Variants in MED12L observed in about 807,000 individuals in gnomAD.
The protein encoded by MED12L is mediator of RNA polymerase II transcription subunit 12-like protein.
A neutral mutation model predicts 281.3 loss-of-function variants in MED12L; 60 were observed. That is an observed-to-expected ratio of 0.21 (90% CI 0.17 to 0.26). The LOEUF (loss-of-function observed/expected upper bound fraction) is 0.26. Ranked by LOEUF, MED12L falls within the 10% of genes least tolerant of loss-of-function variation. The pLI, the probability that MED12L is intolerant of heterozygous loss-of-function variation, is 1.00. For missense variants in MED12L, 2,146 were observed against 2,680.9 expected, an observed-to-expected ratio of 0.80 and a Z score of 4.41; for synonymous variants, 974 against 987.2, an observed-to-expected ratio of 0.99 and a Z score of 0.25.
intron 11 of MED12L, among the ~76,000 whole-genome samples, chr3:151,178,409 T>C (rs1032704348): frequency 1.2e-4 from 15 of 122,516 alleles, no homozygotes; most frequent in Non-Finnish European, 2.0e-4. Flanking sequence ...ATATTCCAGC[T>C]CAAAAGGGAG....
intron 20 of MED12L, among the ~76,000 whole-genome samples, chr3:151,359,810 G>A (rs1754385240): frequency 6.6e-6 from 1 of 152,140 alleles, no homozygotes; most frequent in Non-Finnish European, 1.5e-5. Context: ...TAGGTGAATG[G>A]ACCACAAGTG....
chr3:151,344,467 A>G (rs1035566785), intron 16 of MED12L, among the ~76,000 whole-genome samples: 3 of 152,194 alleles, frequency 2.0e-5, no homozygotes, highest in African/African-American at 4.8e-5. Context: ...TACAGCTGAA[A>G]GAAATAGTGT....
At chr3:151,206,772 G>C (rs1726437004) in intron 16 of MED12L, among the ~76,000 whole-genome samples, 2 of 144,572 alleles carry the variant, frequency 1.4e-5, no homozygotes, top group Non-Finnish European at 3.0e-5. Context: ...AGCCTCCCGA[G>C]TAGCTGGGAC....
chr3:151,202,855 A>G (rs1435819429), intron 16 of MED12L, among the ~76,000 whole-genome samples: 1 of 152,194 alleles, frequency 6.6e-6, no homozygotes, highest in African/African-American at 2.4e-5. Flanking sequence ...GTTACTGAAT[A>G]GTTATGCTCG....
chr3:151,121,207 G>C (rs1220065604), intron 3 of MED12L, among the ~76,000 whole-genome samples: 1 of 152,144 alleles, frequency 6.6e-6, no homozygotes. Context: ...TTTCCAAACA[G>C]CTGGTTTTCC....
chr3:151,429,358 G>A (rs1266623964), intron 43 of MED12L, among the ~76,000 whole-genome samples: 22 of 152,310 alleles, frequency 1.4e-4, no homozygotes, highest in African/African-American at 2.4e-5. Context: ...GTGAGCACAC[G>A]GAGAGTGGGC....
chr3:151,359,630 C>G (rs890451531), intron 20 of MED12L, among the ~76,000 whole-genome samples: 2 of 152,128 alleles, frequency 1.3e-5, no homozygotes, highest in Admixed American at 6.6e-5. Context: ...AGCAAGTCAC[C>G]CCACCTTTCT....
In MED12L at chr3:151,182,903, T is replaced by A. The variant is rs747523332; in HGVS notation, c.1495-2427T>A. ...TGCCTCTCATTACAGTTGGGATAAC[T>A]ACTTCCAGGTTTCTGTAAGGGTAAA... On this transcript the variant is annotated intron_variant, in intron 11 of 44. Coordinates refer to ENST00000687756, the MANE Select transcript of MED12L (RefSeq NM_001393769.1). 2.6e-5 allele frequency among the ~76,000 whole-genome samples: 4 copies of A among 152,152 alleles called. 1 individual carries two copies. Among genetic ancestry groups the A allele is most frequent in the Admixed American group, 2.6e-4 (4 of 15,262 alleles).
At chr3:151,132,501 G>T (rs1426447902) in intron 5 of MED12L, among the ~76,000 whole-genome samples, 2 of 152,068 alleles carry the variant, frequency 1.3e-5, no homozygotes, top group Admixed American at 1.3e-4. Context: ...ACATACCTTT[G>T]CTTGGAATAG....
At chr3:151,248,809 G>A (rs977387826) in intron 16 of MED12L, 1 of 151,894 alleles carries the variant, frequency 6.6e-6, no homozygotes, top group Non-Finnish European at 1.5e-5. Flanking sequence ...ATTTTACATT[G>A]TAATCACAAA....
chr3:151,183,409 T>C (rs1722929041), intron 11 of MED12L, among the ~76,000 whole-genome samples: 2 of 152,350 alleles, frequency 1.3e-5, no homozygotes, highest in African/African-American at 4.8e-5. Context: ...ATGCACATTA[T>C]GGGTGCCCAG....
intron 16 of MED12L, chr3:151,326,383 A>G (rs947826478): frequency 3.9e-5 from 6 of 152,640 alleles, no homozygotes; most frequent in South Asian, 2.1e-4. Context: ...ATCAGTTACT[A>G]AAAGAGTAGA....
intron 4 of MED12L, 71 bp downstream of exon 4, chr3:151,123,045 AT>A: frequency 7.7e-7 from 1 of 1,300,514 alleles, no homozygotes; most frequent in Non-Finnish European, 1.0e-6. Flanking sequence ...ATTCAAGTAT[AT>A]ATTTGTTTTT....
chr3:151,393,819 A>G (rs1227273686), intron 38 of MED12L, among the ~76,000 whole-genome samples: 1 of 152,218 alleles, frequency 6.6e-6, no homozygotes, highest in Non-Finnish European at 1.5e-5. Context: ...CCAAAAAAAC[A>G]GCTTTAAAAT....
intron 9 of MED12L, among the ~76,000 whole-genome samples, chr3:151,164,303 GT>G (rs1218919036): frequency 6.6e-6 from 1 of 152,126 alleles, no homozygotes; most frequent in African/African-American, 2.4e-5. Flanking sequence ...TATGGTGGTG[GT>G]TCTAATACAT....
At chr3:151,337,688 ATCT>A (rs1751193025) in intron 16 of MED12L, 8 of 937,188 alleles carry the variant, frequency 8.5e-6, no homozygotes, top group South Asian at 8.3e-5. Flanking sequence ...TGCTTTTGTA[ATCT>A]TCTGTTTCTT....
Position 151,394,876 on chromosome 3 carries a change from A to T in MED12L, c.5820+9A>T, listed in dbSNP as rs775083941. On this transcript the variant is annotated intron_variant, in intron 39 of 44. Coordinates refer to ENST00000687756, the MANE Select transcript of MED12L (RefSeq NM_001393769.1). ...CTCGGCCTTTCCAACAGGTTTGTCC[A>T]GACCCCAGCAATGGAGTCCTTTGCA... 6.2e-6 allele frequency: 10 copies of T among 1,613,632 alleles called. No homozygotes were observed. In the East Asian group the frequency reaches 1.1e-4, roughly 18 times the overall value.
chr3:151,182,918 G>T (rs1024728226), intron 11 of MED12L, among the ~76,000 whole-genome samples: 34 of 152,118 alleles, frequency 2.2e-4, no homozygotes, highest in African/African-American at 8.2e-4. Flanking sequence ...CCAGGTTTCT[G>T]TAAGGGTAAA....
chr3:151,230,062 T>C (rs1220930201), intron 16 of MED12L, among the ~76,000 whole-genome samples: 4 of 151,968 alleles, frequency 2.6e-5, no homozygotes, highest in Admixed American at 2.6e-4. Flanking sequence ...CTTCGCCTGC[T>C]GGGTTCACGC....
Sources: allele counts gnomAD v4.1 joint callset (sites outside exome capture counted in the v4.1 genomes callset), GRCh38; gene constraint gnomAD v4.1.1; transcripts MANE v1.5; gene names NCBI Gene and HGNC (gene_info 2026-07-23, HGNC 2026-07-21).